Variants in MAST4 observed in about 807,000 individuals in gnomAD.
MAST4 encodes the protein microtubule associated serine/threonine kinase family member 4.
In MAST4, 89 loss-of-function variants were observed where a neutral mutation model predicts 162.7. The ratio of observed to expected loss-of-function variants is 0.55; its 90% CI spans 0.46 to 0.65. The LOEUF (loss-of-function observed/expected upper bound fraction) is 0.65. Among genes scored for constraint, MAST4 ranks in the 30% least tolerant of loss-of-function variants. The pLI, the probability that MAST4 is intolerant of heterozygous loss-of-function variation, is 0.00. For missense variants in MAST4, 3,153 were observed against 3,374.0 expected (o/e 0.93, Z 1.62); for synonymous variants, 1,479 against 1,361.1 (o/e 1.09, Z -1.91).
chr5:66,960,958 C>T (rs1472374500), intron 4 of MAST4, among the ~76,000 whole-genome samples: 1 of 152,108 alleles, frequency 6.6e-6, no homozygotes, highest in Non-Finnish European at 1.5e-5. Flanking sequence ...GGCCACGCCC[C>T]CTCCTTCTAT....
intron 4 of MAST4, among the ~76,000 whole-genome samples, chr5:66,921,530 G>A (rs1764535120): frequency 6.6e-6 from 1 of 152,174 alleles, no homozygotes; most frequent in African/African-American, 2.4e-5. Context: ...GCCGAGTCAG[G>A]CAGATCACTT....
At chr5:66,802,884 C>G (rs1299897963) in intron 3 of MAST4, among the ~76,000 whole-genome samples, 1 of 152,104 alleles carries the variant, frequency 6.6e-6, no homozygotes, top group African/African-American at 2.4e-5. Flanking sequence ...GCCTACTTTT[C>G]TGCTAAGATT....
intron 1 of MAST4, among the ~76,000 whole-genome samples, chr5:66,624,354 C>T (rs776380217): frequency 5.9e-5 from 9 of 151,514 alleles, no homozygotes; most frequent in African/African-American, 1.5e-4. Context: ...GGGGTTTCAC[C>T]GTATTAGTCA....
chr5:66,882,790 C>T (rs1029572119), intron 3 of MAST4, among the ~76,000 whole-genome samples: 1 of 152,136 alleles, frequency 6.6e-6, no homozygotes, highest in African/African-American at 2.4e-5. Context: ...CAGAATGACT[C>T]AGCACCCTAC....
chr5:67,045,858 C>A (rs1051690012), intron 4 of MAST4, among the ~76,000 whole-genome samples: 1 of 152,074 alleles, frequency 6.6e-6, no homozygotes, highest in Non-Finnish European at 1.5e-5. Flanking sequence ...GTCATAAATT[C>A]CAGGAACTTG....
rs150363740 is a variant in MAST4 at position 66,867,590 on chromosome 5, T to C, written c.643-32361T>C. On this transcript the variant is annotated intron_variant, in intron 3 of 28. Coordinates refer to ENST00000403625, the MANE Select transcript of MAST4 (RefSeq NM_001164664.2). ...ATTATGCACATGTCAACTCTTCTTT[T>C]GTTAGTCTCTAAGAGTTTATTTACA... 6.6e-3 allele frequency among the ~76,000 whole-genome samples: 1,000 copies of C among 152,370 alleles called. 9 individuals are homozygous for C. The highest frequency in any genetic ancestry group is 0.023 in the African/African-American group (944 of 41,582).
intron 5 of MAST4, among the ~76,000 whole-genome samples, chr5:67,080,386 C>G (rs1298865685): frequency 1.3e-5 from 2 of 152,084 alleles, no homozygotes; most frequent in African/African-American, 4.8e-5. Context: ...CCCAGAATAC[C>G]TGAAGGATTC....
At chr5:66,836,230 A>T (rs1358509692) in intron 3 of MAST4, among the ~76,000 whole-genome samples, 1 of 152,110 alleles carries the variant, frequency 6.6e-6, no homozygotes, top group Non-Finnish European at 1.5e-5. Flanking sequence ...AGCTGAAAAT[A>T]GTGTCAAGTG....
intron 5 of MAST4, among the ~76,000 whole-genome samples, chr5:67,088,948 C>A (rs1337286755): frequency 6.6e-6 from 1 of 152,164 alleles, no homozygotes; most frequent in Non-Finnish European, 1.5e-5. Flanking sequence ...ACTTATCCTC[C>A]TTAATGTGTT....
At chr5:67,140,754 G>T (rs1770281737) in intron 19 of MAST4, among the ~76,000 whole-genome samples, 1 of 152,210 alleles carries the variant, frequency 6.6e-6, no homozygotes. Flanking sequence ...CAAGACATCT[G>T]TCCTGTAGTA....
At chr5:66,922,684 A>G (rs1764618285) in intron 4 of MAST4, among the ~76,000 whole-genome samples, 1 of 152,240 alleles carries the variant, frequency 6.6e-6, no homozygotes, top group South Asian at 2.1e-4. Flanking sequence ...CTTGAGATGT[A>G]TGAATAGAAA....
At chr5:67,146,028 A>G (rs1771040856) in intron 23 of MAST4, among the ~76,000 whole-genome samples, 1 of 152,208 alleles carries the variant, frequency 6.6e-6, no homozygotes, top group Non-Finnish European at 1.5e-5. Flanking sequence ...TACCAGCATG[A>G]TTTAAATTGA....
At chr5:67,141,659 AC>A (rs1475729980) in intron 19 of MAST4, among the ~76,000 whole-genome samples, 1 of 152,174 alleles carries the variant, frequency 6.6e-6, no homozygotes, top group Non-Finnish European at 1.5e-5. Context: ...TTGAATGGTA[AC>A]CCCTATAAAT....
chr5:66,760,123 A>T (rs1035389583), intron 2 of MAST4, among the ~76,000 whole-genome samples: 6 of 139,096 alleles, frequency 4.3e-5, no homozygotes, highest in Non-Finnish European at 9.5e-5. Context: ...TTATTTATTT[A>T]TTTTTTGAGA....
chr5:66,647,287 G>A (rs1028658038), intron 1 of MAST4, among the ~76,000 whole-genome samples: 6 of 152,082 alleles, frequency 3.9e-5, no homozygotes, highest in Non-Finnish European at 1.5e-5. Context: ...TGGTGAGGTA[G>A]GAGAGCCCTC....
At chr5:67,050,042 A>G (rs922064735) in intron 4 of MAST4, among the ~76,000 whole-genome samples, 1 of 152,138 alleles carries the variant, frequency 6.6e-6, no homozygotes, top group Non-Finnish European at 1.5e-5. Context: ...GGAATGGGGT[A>G]CTTGGAACCA....
intron 26 of MAST4, among the ~76,000 whole-genome samples, chr5:67,157,876 T>C (rs1772723974): frequency 6.6e-6 from 1 of 152,214 alleles, no homozygotes; most frequent in Non-Finnish European, 1.5e-5. Flanking sequence ...AAAATAAATT[T>C]AGAGAATATA....
intron 4 of MAST4, among the ~76,000 whole-genome samples, chr5:67,006,503 T>A (rs1447772021): frequency 6.6e-6 from 1 of 152,224 alleles, no homozygotes; most frequent in Non-Finnish European, 1.5e-5. Flanking sequence ...ATTCGTATGA[T>A]TTCTTACCAT....
Position 67,114,191 on chromosome 5 carries a change from A to G in MAST4, c.1563A>G (p.Gln521=). The G allele has an allele frequency of 3.1e-6, 5 of 1,611,874 alleles. No homozygotes were observed. Among genetic ancestry groups the G allele is most frequent in the Non-Finnish European group, 4.2e-6 (5 of 1,179,160 alleles). Residue 521 remains glutamine, a synonymous_variant, in exon 12 of 29, where the codon CAA becomes CAG. Coordinates refer to ENST00000403625, the MANE Select transcript of MAST4 (RefSeq NM_001164664.2). ...ACATTCCCAGGTACATCATTAGCCA[A>G]CTGGGACTCAATAAGGATCCCTTGG... ...KTDIPRYIIS[Q]LGLNKDPLEE... is the part of the protein sequence containing the mutation.
Sources: allele counts gnomAD v4.1 joint callset (sites outside exome capture counted in the v4.1 genomes callset), GRCh38; gene constraint gnomAD v4.1.1; transcripts MANE v1.5; gene names NCBI Gene and HGNC (gene_info 2026-07-23, HGNC 2026-07-21).